The following SGCZ variants were observed in gnomAD, a reference collection of about 807,000 sequenced individuals.
SGCZ encodes the protein zeta-sarcoglycan.
In SGCZ, 40 loss-of-function variants were observed where a neutral mutation model predicts 41.3. That is an observed-to-expected ratio of 0.97 (90% CI 0.75 to 1.26). SGCZ has a LOEUF of 1.26. Ranked by LOEUF, SGCZ falls within the 50% of genes most tolerant of loss-of-function variation. The pLI is 0.00. For synonymous variants in SGCZ, 206 were observed against 137.5 expected (o/e 1.50, Z -3.49); for missense variants, 552 against 369.8 (o/e 1.49, Z -4.04).
At chr8:15,063,821 A>C (rs1805026089) in intron 1 of SGCZ, among the ~76,000 whole-genome samples, 1 of 152,178 alleles carries the variant, frequency 6.6e-6, no homozygotes, top group East Asian at 1.9e-4. Context: ...TTTAAAATTT[A>C]ACTTACTATA....
At chr8:14,970,534 A>G (rs1801256914) in intron 1 of SGCZ, among the ~76,000 whole-genome samples, 1 of 152,170 alleles carries the variant, frequency 6.6e-6, no homozygotes, top group Non-Finnish European at 1.5e-5. Context: ...ATGAATAGCT[A>G]GTAATTCCAA....
chr8:14,990,121 C>T (rs978809499), intron 1 of SGCZ, among the ~76,000 whole-genome samples: 2 of 152,178 alleles, frequency 1.3e-5, no homozygotes, highest in African/African-American at 4.8e-5. Flanking sequence ...ACAGCCTGGT[C>T]TTCTGTTACT....
In SGCZ at chr8:14,146,889, A is replaced by AGT. The variant is rs1803541122; in HGVS notation, c.547+17690_547+17691insAC. 6.2e-5 allele frequency among the ~76,000 whole-genome samples: 9 copies of AGT among 144,764 alleles called. 2 individuals are homozygous for AGT. Among genetic ancestry groups the AGT allele is most frequent in the Non-Finnish European group, 1.1e-4 (7 of 66,460 alleles). 95.0% of individuals were successfully genotyped at this position (144,764 alleles called of 152,430 possible). ...TCCGTCTCAAAAAATAAAAATAAAA[A>AGT]AAATAATAATAATAATAACTACAGC... On this transcript the variant is annotated intron_variant, in intron 5 of 7. Transcript: ENST00000382080.
chr8:14,289,888 C>T (rs1161242904), intron 3 of SGCZ, among the ~76,000 whole-genome samples: 1 of 151,588 alleles, frequency 6.6e-6, no homozygotes, highest in African/African-American at 2.4e-5. Context: ...GCTGGGGAGG[C>T]CTCTGTAAAC....
Position 14,947,542 on chromosome 8 carries a change from G to A in SGCZ, c.39+290043C>T, listed in dbSNP as rs375210435. 8.5e-5 allele frequency among the ~76,000 whole-genome samples: 13 copies of A among 152,282 alleles called. 1 individual carries two copies. The South Asian group carries it at 2.3e-3, about 27-fold the overall frequency. On this transcript the variant is annotated intron_variant, in intron 1 of 7. Coordinates refer to ENST00000382080, the MANE Select transcript of SGCZ (RefSeq NM_139167.4). Reference sequence around the variant, plus strand: ...CTGAGGTAAGGGACAGTGTTGAGGAGAGTCAGCATCACTTTATAACTGCAC... The same window carrying A: ...CTGAGGTAAGGGACAGTGTTGAGGAAAGTCAGCATCACTTTATAACTGCAC...
chr8:15,158,043 C>T (rs1036527400), intron 1 of SGCZ, among the ~76,000 whole-genome samples: 22 of 152,056 alleles, frequency 1.4e-4, no homozygotes, highest in Admixed American at 7.2e-4. Flanking sequence ...TGCCTCTCAC[C>T]ACCCCCTTTC....
At chr8:15,207,441 A>G (rs7841105) in intron 1 of SGCZ, among the ~76,000 whole-genome samples, 118,933 of 152,184 alleles carry the variant, frequency 0.78, 46,948 homozygotes, top group Non-Finnish European at 0.83. Context: ...GAAAGAGACA[A>G]AAGAATAATC....
At chr8:15,135,688 T>C (rs268431) in intron 1 of SGCZ, among the ~76,000 whole-genome samples, 3,290 of 152,192 alleles carry the variant, frequency 0.022, 113 homozygotes, top group African/African-American at 0.074. Context: ...GTTTAGACTG[T>C]GTGTAGTACT....
chr8:14,962,404 C>G (rs566938057), intron 1 of SGCZ, among the ~76,000 whole-genome samples: 1 of 149,560 alleles, frequency 6.7e-6, no homozygotes, highest in Non-Finnish European at 1.5e-5. Context: ...ATATATATAT[C>G]TGTACAATTT....
chr8:14,476,597 G>A (rs1020804134), intron 2 of SGCZ, among the ~76,000 whole-genome samples: 1 of 152,012 alleles, frequency 6.6e-6, no homozygotes, highest in Non-Finnish European at 1.5e-5. Flanking sequence ...ATGGCTAATG[G>A]TCAATCAGAG....
At chr8:14,345,673 C>G (rs1470736216) in intron 2 of SGCZ, among the ~76,000 whole-genome samples, 1 of 152,016 alleles carries the variant, frequency 6.6e-6, no homozygotes, top group African/African-American at 2.4e-5. Context: ...TTGCTCAGTT[C>G]CTAAAGATTT....
chr8:14,250,904 T>A (rs1799259512), intron 3 of SGCZ, among the ~76,000 whole-genome samples: 1 of 152,130 alleles, frequency 6.6e-6, no homozygotes, highest in African/African-American at 2.4e-5. Context: ...TACCGCCAGA[T>A]AATTATTAAG....
At chr8:14,745,060 T>A (rs1263779341) in intron 1 of SGCZ, among the ~76,000 whole-genome samples, 1 of 152,186 alleles carries the variant, frequency 6.6e-6, no homozygotes, top group Non-Finnish European at 1.5e-5. Flanking sequence ...CGTAAATGTA[T>A]TATTTCATCA....
At chr8:15,012,940 T>C (rs1802893267) in intron 1 of SGCZ, among the ~76,000 whole-genome samples, 1 of 151,744 alleles carries the variant, frequency 6.6e-6, no homozygotes, top group Non-Finnish European at 1.5e-5. Flanking sequence ...AATGATCAGG[T>C]CATGTTTAGA....
chr8:14,673,358 G>A (rs983199356), intron 1 of SGCZ, among the ~76,000 whole-genome samples: 3 of 152,138 alleles, frequency 2.0e-5, no homozygotes, highest in Non-Finnish European at 4.4e-5. Context: ...GATAATGAGG[G>A]AGTTCTCATG....
At chr8:14,753,626 AAATT>A (rs1362608865) in intron 1 of SGCZ, among the ~76,000 whole-genome samples, 1 of 152,188 alleles carries the variant, frequency 6.6e-6, no homozygotes, top group Admixed American at 6.5e-5. Flanking sequence ...TGGACCACAA[AAATT>A]ACAGAATATC....
chr8:14,946,260 G>A (rs563924722), intron 1 of SGCZ, among the ~76,000 whole-genome samples: 8 of 150,952 alleles, frequency 5.3e-5, no homozygotes, highest in African/African-American at 7.3e-5. Flanking sequence ...CAAGCAGAGC[G>A]TAGACTCTAA....
At chr8:14,860,409 G>T (rs992208651) in intron 1 of SGCZ, among the ~76,000 whole-genome samples, 1 of 150,556 alleles carries the variant, frequency 6.6e-6, no homozygotes, top group African/African-American at 2.4e-5. Context: ...TCAGAAGACA[G>T]GAAGTGAGAA....
chr8:15,102,936 T>C (rs987205712), intron 1 of SGCZ, among the ~76,000 whole-genome samples: 3 of 152,188 alleles, frequency 2.0e-5, no homozygotes, highest in East Asian at 1.9e-4. Flanking sequence ...ATATAAATCA[T>C]ATTCCTTACA....
Sources: gnomAD v4.1 joint callset for allele counts (sites outside exome capture counted in the v4.1 genomes callset) on GRCh38, gnomAD v4.1.1 for gene constraint, MANE v1.5 for transcripts, NCBI Gene and HGNC (gene_info 2026-07-23, HGNC 2026-07-21) for gene names.